Variants in ANO10 observed in about 807,000 individuals in gnomAD.
ANO10 encodes the protein anoctamin 10.
In ANO10, 77 loss-of-function variants were observed where a neutral mutation model predicts 74.7. The observed-to-expected ratio is 1.03, with a 90% CI of 0.86 to 1.25. The LOEUF (loss-of-function observed/expected upper bound fraction) is 1.25, where lower values mean the gene tolerates loss of function less well. Among genes scored for constraint, ANO10 ranks in the 50% most tolerant of loss-of-function variants. ANO10 has a pLI of 0.00. For missense variants in ANO10, 721 were observed against 778.1 expected (o/e 0.93, Z 0.87); for synonymous variants, 279 against 284.9 (o/e 0.98, Z 0.21).
intron 4 of ANO10, among the ~76,000 whole-genome samples, chr3:43,591,728 AC>A (rs1477489703): frequency 4.6e-5 from 7 of 152,188 alleles, no homozygotes; most frequent in African/African-American, 1.7e-4. Flanking sequence ...GGTTCATCTC[AC>A]TGGGGCTCGT....
At position 43,540,684 on chromosome 3, in the gene ANO10, C is replaced by T. The variant is rs1050879027; in HGVS notation, c.1797+9036G>A. On this transcript the variant is annotated intron_variant, in intron 11 of 12. Transcript: ENST00000292246. ...AGTGAGTGGACATCTTCCCCATCAT[C>T]CTCACACCAATGCCCACTCAGCAGG... 3.3e-5 allele frequency among the ~76,000 whole-genome samples: 5 copies of T among 152,210 alleles called. No homozygotes were observed. The South Asian group carries it at 8.3e-4, about 25-fold the overall frequency.
intron 12 of ANO10, among the ~76,000 whole-genome samples, chr3:43,397,679 T>C (rs2092407494): frequency 6.6e-6 from 1 of 152,242 alleles, no homozygotes; most frequent in Non-Finnish European, 1.5e-5. Context: ...GCACATGCTC[T>C]GCTGAATAGT....
At chr3:43,600,659 T>A (rs2149482301) in intron 2 of ANO10, 78 bp from the exon 3 acceptor site, 1 of 1,242,004 alleles carries the variant, frequency 8.1e-7, no homozygotes, top group East Asian at 2.5e-5. Flanking sequence ...ATAAATATAA[T>A]GTTTCTAGTC....
chr3:43,555,593 A>G, intron 9 of ANO10, 124 bp from the exon 10 acceptor site: 1 of 895,028 alleles, frequency 1.1e-6, no homozygotes, highest in African/African-American at 1.7e-5. Context: ...CCCACCATAC[A>G]CCAGTGTTTC....
intron 11 of ANO10, among the ~76,000 whole-genome samples, chr3:43,470,620 A>ATTTAT (rs1010109052): frequency 6.8e-6 from 1 of 146,452 alleles, no homozygotes; most frequent in East Asian, 2.0e-4. Flanking sequence ...TTATTTATTT[A>ATTTAT]TTTATTTATG....
chr3:43,396,632 C>T (rs759600150), intron 12 of ANO10, among the ~76,000 whole-genome samples: 1 of 152,010 alleles, frequency 6.6e-6, no homozygotes, highest in African/African-American at 2.4e-5. Context: ...CCACCGCACC[C>T]GGCCCATGTT....
chr3:43,548,820 T>C (rs1288693198), intron 11 of ANO10, among the ~76,000 whole-genome samples: 1 of 152,196 alleles, frequency 6.6e-6, no homozygotes, highest in Non-Finnish European at 1.5e-5. Flanking sequence ...GGTTAGTGCT[T>C]AATTTCCAAG....
intron 1 of ANO10, among the ~76,000 whole-genome samples, chr3:43,665,073 C>A (rs899362838): frequency 6.6e-6 from 1 of 152,140 alleles, no homozygotes; most frequent in Non-Finnish European, 1.5e-5. Flanking sequence ...GACACATGCA[C>A]ATGTATGTTT....
rs1431295925 is a variant in ANO10 at position 43,576,900 on chromosome 3, G to A, written c.954C>T (p.Ser318=). 1 of 1,614,178 alleles carries A rather than the reference G, an allele frequency of 6.2e-7. No homozygotes were observed. ...YKRQLRIYLV[S]LPFVCLCLYF... is the part of the protein sequence containing the mutation. ...AGAGGCAGAGGCACACGAATGGCAGGGAGACCAGGTAAATGCGCAACTGTC... is the reference window on the plus strand; with the variant it reads ...AGAGGCAGAGGCACACGAATGGCAGAGAGACCAGGTAAATGCGCAACTGTC... Residue 318 remains serine, a synonymous_variant, in exon 6 of 13, where the codon TCC becomes TCT. Transcript: ENST00000292246.
intron 12 of ANO10, among the ~76,000 whole-genome samples, chr3:43,374,745 C>T (rs2091738697): frequency 6.6e-6 from 1 of 152,220 alleles, no homozygotes; most frequent in Non-Finnish European, 1.5e-5. Context: ...GAAACCATGG[C>T]AGCCTGGCTC....
intron 4 of ANO10, among the ~76,000 whole-genome samples, chr3:43,583,400 A>G (rs2149423913): frequency 6.6e-6 from 1 of 152,338 alleles, no homozygotes; most frequent in Middle Eastern, 3.4e-3. Flanking sequence ...ATGATCTCTT[A>G]TCAAGTACTG....
At chr3:43,666,075 C>T (rs565331409) in intron 1 of ANO10, among the ~76,000 whole-genome samples, 4 of 152,134 alleles carry the variant, frequency 2.6e-5, no homozygotes, top group African/African-American at 9.6e-5. Flanking sequence ...TAAAATAATA[C>T]TATATTTCTG....
At chr3:43,598,336 A>G (rs923483508) in intron 4 of ANO10, among the ~76,000 whole-genome samples, 196 bp downstream of exon 4, 2 of 152,236 alleles carry the variant, frequency 1.3e-5, no homozygotes, top group African/African-American at 4.8e-5. Flanking sequence ...ACCTTGATAA[A>G]TAAGTAGTCA....
chr3:43,672,961 T>C (rs749337405), intron 1 of ANO10, among the ~76,000 whole-genome samples: 15 of 152,224 alleles, frequency 9.9e-5, no homozygotes, highest in South Asian at 6.2e-4. Context: ...TCAGCTCTCA[T>C]GAACAGAGAA....
chr3:43,404,334 G>A (rs543655477), intron 12 of ANO10, among the ~76,000 whole-genome samples: 7 of 152,112 alleles, frequency 4.6e-5, no homozygotes, highest in Admixed American at 2.6e-4. Context: ...AGAAAATGCC[G>A]AACACAGCCT....
chr3:43,506,277 C>T (rs887598405), intron 11 of ANO10, among the ~76,000 whole-genome samples: 1 of 152,132 alleles, frequency 6.6e-6, no homozygotes, highest in African/African-American at 2.4e-5. Flanking sequence ...TCACCTCCAA[C>T]GTATTATCAA....
chr3:43,378,978 T>G (rs1185058607), intron 12 of ANO10, among the ~76,000 whole-genome samples: 4 of 152,188 alleles, frequency 2.6e-5, no homozygotes, highest in Non-Finnish European at 4.4e-5. Context: ...TTCATTTCAC[T>G]TTAATTTTCC....
chr3:43,486,838 A>C (rs1474678499), intron 11 of ANO10, among the ~76,000 whole-genome samples: 1 of 149,866 alleles, frequency 6.7e-6, no homozygotes, highest in Non-Finnish European at 1.5e-5. Flanking sequence ...TTCCAACACT[A>C]TGTTGAATAG....
chr3:43,676,577 T>C (rs1456049200), intron 1 of ANO10, among the ~76,000 whole-genome samples: 13 of 152,144 alleles, frequency 8.5e-5, no homozygotes, highest in Admixed American at 7.2e-4. Context: ...AGGAGGGAAG[T>C]GGGTGTGGCT....
Sources: allele counts gnomAD v4.1 joint callset (sites outside exome capture counted in the v4.1 genomes callset), GRCh38; gene constraint gnomAD v4.1.1; transcripts MANE v1.5; gene names NCBI Gene and HGNC (gene_info 2026-07-23, HGNC 2026-07-21).